Variants in MALRD1 observed in about 807,000 individuals in gnomAD.
MALRD1 encodes the protein MAM and LDL-receptor class A domain-containing protein 1.
A neutral mutation model predicts 242.1 loss-of-function variants in MALRD1; 247 were observed. The ratio of observed to expected loss-of-function variants is 1.02; its 90% confidence interval spans 0.92 to 1.13. The LOEUF is 1.13. Among genes scored for constraint, MALRD1 ranks in the 50% most tolerant of loss-of-function variants. MALRD1 has a pLI of 0.00. For synonymous variants in MALRD1, 995 were observed against 866.6 expected (o/e 1.15, Z -2.60); for missense variants, 2,989 against 2,533.1 (o/e 1.18, Z -3.86).
intron 5 of MALRD1, among the ~76,000 whole-genome samples, chr10:19,114,631 T>C (rs540056365): frequency 6.6e-6 from 1 of 151,962 alleles, no homozygotes; most frequent in South Asian, 2.1e-4. Context: ...GAAAAAAAAA[T>C]GATATTTAGA....
chr10:19,386,743 A>AT (rs1846098002), intron 26 of MALRD1, among the ~76,000 whole-genome samples: 1 of 125,720 alleles, frequency 8.0e-6, no homozygotes. Flanking sequence ...CACACACACA[A>AT]TACTCTTTTA....
intron 26 of MALRD1, among the ~76,000 whole-genome samples, chr10:19,367,290 G>T (rs1443255309): frequency 6.6e-6 from 1 of 151,862 alleles, no homozygotes; most frequent in African/African-American, 2.4e-5. Flanking sequence ...CAAGCCTCTA[G>T]TATCCTCTGT....
intron 32 of MALRD1, among the ~76,000 whole-genome samples, chr10:19,562,692 A>G (rs1378862605): frequency 1.3e-5 from 2 of 152,084 alleles, no homozygotes; most frequent in East Asian, 3.9e-4. Flanking sequence ...GCCTGTTAGG[A>G]ACCAGTTTGC....
At chr10:19,370,545 T>C (rs1020136583) in intron 26 of MALRD1, among the ~76,000 whole-genome samples, 3 of 152,210 alleles carry the variant, frequency 2.0e-5, no homozygotes, top group African/African-American at 7.2e-5. Context: ...TACTTTTGTA[T>C]TTTACAGCTT....
chr10:19,153,644 A>T (rs2131462350), intron 11 of MALRD1, among the ~76,000 whole-genome samples: 1 of 151,964 alleles, frequency 6.6e-6, no homozygotes, highest in Middle Eastern at 3.4e-3. Flanking sequence ...AGCCATAATC[A>T]TGCTACTGCA....
At chr10:19,261,311 G>A (rs1839735957) in intron 19 of MALRD1, among the ~76,000 whole-genome samples, 1 of 151,872 alleles carries the variant, frequency 6.6e-6, no homozygotes, top group South Asian at 2.1e-4. Flanking sequence ...TAGGAGCTGT[G>A]TTTTTTTGCA....
intron 36 of MALRD1, among the ~76,000 whole-genome samples, chr10:19,688,084 C>T (rs748059150): frequency 6.6e-6 from 1 of 152,100 alleles, no homozygotes; most frequent in Non-Finnish European, 1.5e-5. Context: ...GTTCTCCTGC[C>T]TCAGCCTCCC....
rs1836544861 is a variant in MALRD1 at position 19,472,505 on chromosome 10, A to G, written c.5030-19012A>G. Among the ~76,000 whole-genome samples, 3 of 152,070 alleles carry G rather than the reference A, an allele frequency of 2.0e-5. No homozygotes were observed. The South Asian group carries it at 6.2e-4, about 32-fold the overall frequency. On this transcript the variant is annotated intron_variant, in intron 29 of 39. Coordinates refer to ENST00000454679, the MANE Select transcript of MALRD1 (RefSeq NM_001142308.3). ...TCTTTTTTAAAAGAAGAATTTGGTA[A>G]AATTCACCAGTCAAGCAATCCAGTC...
At chr10:19,543,332 C>T (rs1193178667) in intron 32 of MALRD1, among the ~76,000 whole-genome samples, 2 of 151,042 alleles carry the variant, frequency 1.3e-5, no homozygotes, top group Non-Finnish European at 3.0e-5. Context: ...GGTGCAATCA[C>T]AGCTCACTGC....
chr10:19,271,493 G>A (rs922267333), intron 19 of MALRD1, among the ~76,000 whole-genome samples: 4 of 152,276 alleles, frequency 2.6e-5, no homozygotes, highest in East Asian at 1.9e-4. Context: ...GGCCGGGTAC[G>A]GTGGCTCATG....
intron 23 of MALRD1, among the ~76,000 whole-genome samples, chr10:19,329,533 T>A (rs972838832): frequency 4.6e-5 from 7 of 152,302 alleles, no homozygotes; most frequent in Non-Finnish European, 8.8e-5. Flanking sequence ...TTTACTCATT[T>A]TGCTTTCACA....
intron 4 of MALRD1, among the ~76,000 whole-genome samples, chr10:19,088,663 G>A (rs1156482943): frequency 9.6e-6 from 1 of 104,030 alleles, no homozygotes; most frequent in African/African-American, 4.1e-5. Flanking sequence ...GTATACATGT[G>A]CCATGCTGGT....
At chr10:19,665,933 T>C (rs531940294) in intron 36 of MALRD1, among the ~76,000 whole-genome samples, 2 of 152,086 alleles carry the variant, frequency 1.3e-5, no homozygotes, top group East Asian at 3.9e-4. Flanking sequence ...AGGCTGTCCC[T>C]GGAGGACAGT....
chr10:19,161,719 G>C (rs1457378685), intron 12 of MALRD1, among the ~76,000 whole-genome samples: 1 of 151,976 alleles, frequency 6.6e-6, no homozygotes, highest in Non-Finnish European at 1.5e-5. Flanking sequence ...TAGCTACATA[G>C]AGCTATTGAG....
chr10:19,479,493 A>G (rs1836891213), intron 29 of MALRD1, among the ~76,000 whole-genome samples: 1 of 152,212 alleles, frequency 6.6e-6, no homozygotes, highest in Non-Finnish European at 1.5e-5. Flanking sequence ...AAGTAACTAC[A>G]TGAAATTAGG....
intron 18 of MALRD1, among the ~76,000 whole-genome samples, chr10:19,234,416 C>G (rs1838210876): frequency 6.6e-6 from 1 of 151,908 alleles, no homozygotes; most frequent in South Asian, 2.1e-4. Context: ...TATTGACTTT[C>G]AGATAATTAA....
At chr10:19,174,581 C>A (rs898150845) in intron 13 of MALRD1, among the ~76,000 whole-genome samples, 2 of 151,742 alleles carry the variant, frequency 1.3e-5, no homozygotes, top group African/African-American at 4.8e-5. Context: ...CTTGGAATAA[C>A]AACATAATAT....
At chr10:19,440,403 G>A (rs183121121) in intron 28 of MALRD1, among the ~76,000 whole-genome samples, 5 of 151,820 alleles carry the variant, frequency 3.3e-5, no homozygotes, top group Admixed American at 3.3e-4. Flanking sequence ...ATACAGGTGT[G>A]TTACATATGT....
intron 18 of MALRD1, among the ~76,000 whole-genome samples, chr10:19,216,742 G>A (rs1564473921): frequency 1.3e-5 from 2 of 151,284 alleles, no homozygotes; most frequent in Non-Finnish European, 2.9e-5. Flanking sequence ...TCAGGAGATC[G>A]AGACCATCCT....
Sources: gnomAD v4.1 joint callset for allele counts (sites outside exome capture counted in the v4.1 genomes callset) on GRCh38, gnomAD v4.1.1 for gene constraint, MANE v1.5 for transcripts, NCBI Gene and HGNC (gene_info 2026-07-23, HGNC 2026-07-21) for gene names.